The following CWF19L1 variants were observed in gnomAD, a reference collection of about 807,000 sequenced individuals.
CWF19L1 encodes CWF19 like cell cycle control factor 1.
A neutral mutation model predicts 69.7 loss-of-function variants in CWF19L1; 60 were observed. That is an observed-to-expected ratio of 0.86 (90% CI 0.70 to 1.07). CWF19L1 has a LOEUF of 1.07. Among genes scored for constraint, CWF19L1 ranks in the 50% least tolerant of loss-of-function variants. CWF19L1 has a pLI of 0.00. For synonymous variants in CWF19L1, 209 were observed against 222.2 expected (o/e 0.94, Z 0.53); for missense variants, 591 against 638.9 (o/e 0.92, Z 0.81).
At chr10:100,234,415 CT>C (rs1305715269) in intron 13 of CWF19L1, among the ~76,000 whole-genome samples, 5 of 152,178 alleles carry the variant, frequency 3.3e-5, no homozygotes, top group African/African-American at 1.2e-4. Flanking sequence ...AGAGAATCTT[CT>C]TTTTGTGTGC....
In CWF19L1 at chr10:100,261,064, C is replaced by T. The variant is rs762022239; in HGVS notation, c.109-20G>A. 4.5e-6 allele frequency: 7 copies of T among 1,549,444 alleles called. No individual in the cohort carries two copies. The highest frequency in any genetic ancestry group is 4.4e-6 in the Non-Finnish European group (5 of 1,124,530). The stretch of plus-strand genomic sequence containing the variant: ...CAGCAGCTAAAATGAGTTTTTTAAA[C>T]AGATATATGAGATTTTAAAATATCA... On this transcript the variant is annotated intron_variant, in intron 2 of 13. Transcript: ENST00000354105.
At chr10:100,263,750 C>A (rs1406560179) in intron 1 of CWF19L1, among the ~76,000 whole-genome samples, 2 of 152,196 alleles carry the variant, frequency 1.3e-5, no homozygotes, top group Non-Finnish European at 2.9e-5. Flanking sequence ...CTCCTTTTCA[C>A]TCACAATTAA....
At chr10:100,263,181 TC>T (rs1847463612) in intron 1 of CWF19L1, among the ~76,000 whole-genome samples, 1 of 152,202 alleles carries the variant, frequency 6.6e-6, no homozygotes, top group Non-Finnish European at 1.5e-5. Context: ...TAATGTTCTT[TC>T]CTCAAAACAT....
chr10:100,257,508 C>T (rs1847255369), intron 4 of CWF19L1, among the ~76,000 whole-genome samples: 1 of 151,840 alleles, frequency 6.6e-6, no homozygotes, highest in Non-Finnish European at 1.5e-5. Context: ...TCATGTTGGC[C>T]AGGATGGTCT....
At chr10:100,248,715 C>T in intron 7 of CWF19L1, 1 of 1,120,564 alleles carries the variant, frequency 8.9e-7, no homozygotes. Flanking sequence ...TGAGCAACGA[C>T]CTTACAGAGC....
In CWF19L1 at chr10:100,237,390, G is replaced by T. The variant is rs147619487; in HGVS notation, c.1255-421C>A. ...CTACCACTAAGCTTTCCCTCATGCT[G>T]GGCCTCCACACAAAATACTCACTTT... is the stretch of plus-strand genomic sequence containing the variant. On this transcript the variant is annotated intron_variant, in intron 11 of 13. Coordinates refer to ENST00000354105, the MANE Select transcript of CWF19L1 (RefSeq NM_018294.6). 5.2e-4 allele frequency: 210 copies of T among 407,374 alleles called. 1 individual carries two copies. The highest frequency in any genetic ancestry group is 3.8e-3 in the African/African-American group (185 of 48,368). 25.2% of individuals were successfully genotyped at this position (407,374 alleles called of 1,614,324 possible).
intron 11 of CWF19L1, 67 bp from the exon 12 acceptor site, chr10:100,237,036 C>A: frequency 6.6e-7 from 1 of 1,523,360 alleles, no homozygotes; most frequent in South Asian, 1.3e-5. Flanking sequence ...TGCACAGTCT[C>A]TGAGAAGTAG....
intron 8 of CWF19L1, among the ~76,000 whole-genome samples, chr10:100,246,529 A>C (rs1846823411): frequency 1.3e-5 from 2 of 152,344 alleles, no homozygotes; most frequent in South Asian, 4.1e-4. Context: ...ATCACTTTAG[A>C]CAAAGACTTT....
At chr10:100,238,622 A>G (rs1386118088) in intron 10 of CWF19L1, among the ~76,000 whole-genome samples, 1 of 152,056 alleles carries the variant, frequency 6.6e-6, no homozygotes. Context: ...AAAAGATACA[A>G]CTTCTGATTT....
chr10:100,237,474 T>C (rs573153621), intron 11 of CWF19L1, among the ~76,000 whole-genome samples: 25 of 152,180 alleles, frequency 1.6e-4, no homozygotes, highest in Non-Finnish European at 2.9e-4. Context: ...CAACTACCCA[T>C]TCCTTTTCTA....
chr10:100,240,836 A>G (rs191409297), intron 10 of CWF19L1, among the ~76,000 whole-genome samples: 2 of 152,206 alleles, frequency 1.3e-5, no homozygotes, highest in East Asian at 3.9e-4. Context: ...AAAAAGATGC[A>G]AAAGAGATCA....
At position 100,238,143 on chromosome 10, in the gene CWF19L1, G is replaced by A. The variant is rs757244041; in HGVS notation, c.1133C>T (p.Ser378Leu). 6.2e-7 allele frequency: 1 copy of A among 1,614,136 alleles called. No homozygotes were observed. The highest frequency in any genetic ancestry group is 1.3e-5 in the African/African-American group (1 of 75,032). Residue 378 changes from serine to leucine, a missense_variant, in exon 11 of 14, where the codon TCA (serine) becomes TTA (leucine). By Grantham distance (145) the Ser-to-Leu change is moderately radical. Transcript: ENST00000354105. ...CTCCACCTCTTCTACCACCTCTGCT[G>A]AAAGCTCCACCACTGACTGGTAGTG... ...IGHYQSVVEL[S>L]AEVVEEVEKY...
At chr10:100,262,110 GC>G in intron 1 of CWF19L1, 47 bp from the exon 2 acceptor site, 1 of 1,587,774 alleles carries the variant, frequency 6.3e-7, no homozygotes, top group Non-Finnish European at 8.5e-7. Flanking sequence ...AAACAAATGG[GC>G]CTGCCGGGTT....
intron 7 of CWF19L1, chr10:100,248,941 G>C: frequency 2.5e-6 from 2 of 786,266 alleles, no homozygotes; most frequent in Non-Finnish European, 4.5e-6. Flanking sequence ...CAACTCACTG[G>C]CCACCGCAGG....
In CWF19L1 at chr10:100,262,052, C is replaced by T. The variant is rs1783788177; in HGVS notation, c.35G>A (p.Gly12Glu). 3 of 1,610,030 alleles carry T rather than the reference C, an allele frequency of 1.9e-6. No homozygotes were observed. Among genetic ancestry groups the T allele is most frequent in the Non-Finnish European group, 2.5e-6 (3 of 1,179,056 alleles). ...AQKPLRLLAC[G>E]DVEGKFDILF... ...AATATCAAACTTTCCTTCAACATCT[C>T]CACAAGCCAAGCTGCAAACAAAGAG... is the stretch of plus-strand genomic sequence containing the variant. The change falls in exon 2 of 14, where the codon GGA becomes GAA. Residue 12 changes from glycine to glutamate, a missense_variant. By Grantham distance (98) the Gly-to-Glu change is moderately conservative. Coordinates refer to ENST00000354105, the MANE Select transcript of CWF19L1 (RefSeq NM_018294.6).
At chr10:100,237,448 T>G (rs1846482310) in intron 11 of CWF19L1, 1 of 353,810 alleles carries the variant, frequency 2.8e-6, no homozygotes, top group Non-Finnish European at 5.6e-6. Context: ...GCCCCACATC[T>G]TCCTTGGAAC....
intron 10 of CWF19L1, 139 bp from the exon 11 acceptor site, chr10:100,238,370 A>T: frequency 1.4e-6 from 1 of 712,916 alleles, no homozygotes; most frequent in South Asian, 1.9e-5. Flanking sequence ...TTCTTGAAAA[A>T]ATCTGATTTT....
Position 100,260,960 on chromosome 10 carries a change from C to T in CWF19L1, c.187+6G>A. On this transcript the variant is annotated splice_donor_region_variant and intron_variant, in intron 3 of 13. Coordinates refer to ENST00000354105, the MANE Select transcript of CWF19L1 (RefSeq NM_018294.6). ...ATCATATGTTAAATAAAAATAATTT[C>T]TATACCTTTCTTGATGCCAGTCTTA... 6.3e-7 allele frequency: 1 copy of T among 1,575,324 alleles called. No individual in the cohort carries two copies.
At chr10:100,260,069 G>A (rs1347416496) in intron 4 of CWF19L1, 149 bp downstream of exon 4, 3 of 563,828 alleles carry the variant, frequency 5.3e-6, no homozygotes, top group Non-Finnish European at 9.4e-6. Context: ...TCAGGAGGCT[G>A]AGGCAGGAGA....
Sources: allele counts gnomAD v4.1 joint callset (sites outside exome capture counted in the v4.1 genomes callset), GRCh38; gene constraint gnomAD v4.1.1; transcripts MANE v1.5; gene names NCBI Gene and HGNC (gene_info 2026-07-23, HGNC 2026-07-21).